The following ITPR2 variants were observed in gnomAD, a reference collection of about 807,000 sequenced individuals.
ITPR2 encodes inositol 1,4,5-trisphosphate receptor type 2.
ITPR2 carries 207 observed loss-of-function variants against 317.1 expected under a neutral mutation model. The ratio of observed to expected loss-of-function variants is 0.65; its 90% CI spans 0.58 to 0.73. The LOEUF is 0.73. Among genes scored for constraint, ITPR2 ranks in the 30% least tolerant of loss-of-function variants. ITPR2 has a pLI of 0.00. For missense variants in ITPR2, 2,613 were observed against 3,284.0 expected, an observed-to-expected ratio of 0.80 and a Z score of 4.99; for synonymous variants, 1,156 against 1,149.1, an observed-to-expected ratio of 1.01 and a Z score of -0.12.
intron 2 of ITPR2, among the ~76,000 whole-genome samples, chr12:26,755,248 T>C (rs898922314): frequency 6.6e-6 from 1 of 152,212 alleles, no homozygotes; most frequent in Non-Finnish European, 1.5e-5. Context: ...ACAACTGTTA[T>C]CTTGTTTTGG....
At chr12:26,748,617 G>C (rs922430887) in intron 2 of ITPR2, among the ~76,000 whole-genome samples, 1 of 146,508 alleles carries the variant, frequency 6.8e-6, no homozygotes, top group Non-Finnish European at 1.5e-5. Flanking sequence ...ATATCCACTG[G>C]GTGTCTCATT....
intron 45 of ITPR2, among the ~76,000 whole-genome samples, chr12:26,463,441 C>A (rs1427879512): frequency 6.6e-6 from 1 of 151,830 alleles, no homozygotes; most frequent in Non-Finnish European, 1.5e-5. Context: ...CTGAGGTGGG[C>A]GGATTATCTG....
intron 55 of ITPR2, among the ~76,000 whole-genome samples, chr12:26,341,143 G>A (rs909532874): frequency 6.6e-6 from 1 of 152,058 alleles, no homozygotes; most frequent in Non-Finnish European, 1.5e-5. Flanking sequence ...TAAATCATGT[G>A]GTCCCCATTT....
intron 41 of ITPR2, among the ~76,000 whole-genome samples, chr12:26,484,270 A>C (rs1942612422): frequency 6.9e-6 from 1 of 145,380 alleles, no homozygotes; most frequent in Non-Finnish European, 1.5e-5. Context: ...AGTCGGAAAA[A>C]GAGAAAAAAA....
At chr12:26,753,212 G>C (rs928363868) in intron 2 of ITPR2, among the ~76,000 whole-genome samples, 3 of 152,166 alleles carry the variant, frequency 2.0e-5, no homozygotes, top group Admixed American at 1.3e-4. Flanking sequence ...AGGATGGTTA[G>C]AGTCCCTTCT....
intron 2 of ITPR2, among the ~76,000 whole-genome samples, chr12:26,727,151 G>T (rs1426907763): frequency 7.2e-5 from 11 of 152,166 alleles, no homozygotes. Flanking sequence ...TTCCTTGGCA[G>T]TGTATCATAC....
At chr12:26,632,749 C>T (rs1291731649) in intron 21 of ITPR2, among the ~76,000 whole-genome samples, 1 of 152,190 alleles carries the variant, frequency 6.6e-6, no homozygotes, top group East Asian at 1.9e-4. Context: ...TGATCATTTT[C>T]AATGAGGGAG....
chr12:26,471,086 C>T (rs1380800799), intron 45 of ITPR2, among the ~76,000 whole-genome samples: 1 of 152,178 alleles, frequency 6.6e-6, no homozygotes, highest in Non-Finnish European at 1.5e-5. Flanking sequence ...GACCCATTCT[C>T]TCTTGCCTTA....
At chr12:26,582,312 T>C (rs1010292006) in intron 32 of ITPR2, among the ~76,000 whole-genome samples, 1 of 152,166 alleles carries the variant, frequency 6.6e-6, no homozygotes, top group African/African-American at 2.4e-5. Flanking sequence ...ATTTTCTCTT[T>C]ACAATAGATT....
Position 26,711,106 on chromosome 12 carries a change from G to A in ITPR2, c.951+67C>T, listed in dbSNP as rs182447408. The A allele has an allele frequency of 3.7e-4, 393 of 1,050,412 alleles. No homozygotes were observed. The African/African-American group carries it at 4.3e-3, about 11-fold the overall frequency. 65.1% of individuals were successfully genotyped at this position (1,050,412 alleles called of 1,614,324 possible). On this transcript the variant is annotated intron_variant, in intron 9 of 56. Transcript: ENST00000381340. ...TCCTGCAAATACGATGTCTTGTGGC[G>A]AACCCAACTGCCTCTTTCACTAATT...
At chr12:26,724,624 A>G in intron 4 of ITPR2, 32 bp downstream of exon 4, 1 of 1,364,024 alleles carries the variant, frequency 7.3e-7, no homozygotes, top group Non-Finnish European at 1.0e-6. Context: ...CTCCACATAA[A>G]ATACTCACCT....
intron 52 of ITPR2, among the ~76,000 whole-genome samples, chr12:26,404,830 G>A (rs1940295987): frequency 6.6e-6 from 1 of 152,072 alleles, no homozygotes; most frequent in Non-Finnish European, 1.5e-5. Flanking sequence ...AAACACAGGG[G>A]TAGTTATAAA....
chr12:26,609,356 C>CA (rs992270639), intron 26 of ITPR2, among the ~76,000 whole-genome samples: 5 of 152,274 alleles, frequency 3.3e-5, no homozygotes, highest in Non-Finnish European at 5.9e-5. Flanking sequence ...CCTGTAATCC[C>CA]AGCACTTTGG....
intron 10 of ITPR2, among the ~76,000 whole-genome samples, chr12:26,689,390 T>C (rs1484257094): frequency 6.6e-6 from 1 of 151,100 alleles, no homozygotes; most frequent in Non-Finnish European, 1.5e-5. Context: ...CACTCCAGCC[T>C]GGGTGACAGA....
intron 55 of ITPR2, among the ~76,000 whole-genome samples, chr12:26,379,962 C>T (rs532840032): frequency 2.0e-5 from 3 of 152,240 alleles, no homozygotes; most frequent in South Asian, 2.1e-4. Flanking sequence ...GCCAATCACC[C>T]GAACACTAGC....
intron 55 of ITPR2, among the ~76,000 whole-genome samples, chr12:26,385,513 T>G (rs1939640172): frequency 1.3e-5 from 2 of 152,218 alleles, no homozygotes; most frequent in African/African-American, 2.4e-5. Context: ...CCTGCCTTTT[T>G]GCCTAGGTCA....
intron 52 of ITPR2, among the ~76,000 whole-genome samples, chr12:26,401,096 G>T (rs1413809300): frequency 6.6e-6 from 1 of 152,068 alleles, no homozygotes; most frequent in Non-Finnish European, 1.5e-5. Context: ...AGGCATGGTG[G>T]TGTGTGCCTG....
At chr12:26,512,802 C>T (rs1310674662) in intron 37 of ITPR2, among the ~76,000 whole-genome samples, 2 of 151,294 alleles carry the variant, frequency 1.3e-5, no homozygotes, top group Admixed American at 6.6e-5. Flanking sequence ...CACCTCTCAA[C>T]GGACAGGGAA....
intron 55 of ITPR2, among the ~76,000 whole-genome samples, chr12:26,345,310 A>G (rs567819419): frequency 6.6e-6 from 1 of 152,292 alleles, no homozygotes; most frequent in South Asian, 2.1e-4. Flanking sequence ...TTTGAAGTGG[A>G]TACATTTCAA....
Sources: gnomAD v4.1 joint callset for allele counts (sites outside exome capture counted in the v4.1 genomes callset) on GRCh38, gnomAD v4.1.1 for gene constraint, MANE v1.5 for transcripts, NCBI Gene and HGNC (gene_info 2026-07-23, HGNC 2026-07-21) for gene names.